Variants in SFSWAP observed in about 807,000 individuals in gnomAD.
SFSWAP encodes splicing factor SWAP, also known as splicing factor, suppressor of white-apricot homolog.
A neutral mutation model predicts 100.7 loss-of-function variants in SFSWAP; 17 were observed. That is an observed-to-expected ratio of 0.17 (90% confidence interval 0.12 to 0.25). SFSWAP has a LOEUF of 0.25. SFSWAP is among the 10% of genes least tolerant of loss of function. SFSWAP has a pLI of 1.00. For synonymous variants in SFSWAP, 504 were observed against 510.1 expected, an observed-to-expected ratio of 0.99 and a Z score of 0.16; for missense variants, 1,005 against 1,262.6, an observed-to-expected ratio of 0.80 and a Z score of 3.09.
At chr12:131,780,898 T>C (rs1566053019) in intron 14 of SFSWAP, among the ~76,000 whole-genome samples, 1 of 152,130 alleles carries the variant, frequency 6.6e-6, no homozygotes, top group East Asian at 1.9e-4. Flanking sequence ...GCGTAAGAAA[T>C]TAGCTCAGCT....
rs1885506198 is a variant in SFSWAP, at chr12:131,794,696, C to T, written c.2535-2482C>T. Reference sequence around the variant, plus strand: ...CGGACTTGAAGTGGCATTGAGGAGCCTTCTGGAATGAAGGGACGCCCCTGC... The same window carrying T: ...CGGACTTGAAGTGGCATTGAGGAGCTTTCTGGAATGAAGGGACGCCCCTGC... On this transcript the variant is annotated intron_variant, in intron 15 of 17. Coordinates refer to ENST00000261674, the MANE Select transcript of SFSWAP (RefSeq NM_004592.4). The surrounding 1 kb of genome is among the most constrained non-coding windows in gnomAD (Gnocchi z 4.8). 6.6e-6 allele frequency among the ~76,000 whole-genome samples: 1 copy of T among 152,186 alleles called. No individual in the cohort carries two copies. The highest frequency in any genetic ancestry group is 1.5e-5 in the Non-Finnish European group (1 of 68,046).
At chr12:131,719,936 G>A (rs1878312326) in intron 4 of SFSWAP, among the ~76,000 whole-genome samples, 1 of 152,174 alleles carries the variant, frequency 6.6e-6, no homozygotes, top group Non-Finnish European at 1.5e-5. Context: ...TTTTTAAAGT[G>A]TGATTTTTGG....
At chr12:131,776,683 G>C (rs920710449) in intron 13 of SFSWAP, among the ~76,000 whole-genome samples, 3 of 152,224 alleles carry the variant, frequency 2.0e-5, no homozygotes, top group Non-Finnish European at 4.4e-5. Flanking sequence ...AGCTCTCCCC[G>C]GGGAGCAGCT....
At chr12:131,788,985 T>G (rs1206444683) in intron 15 of SFSWAP, among the ~76,000 whole-genome samples, 2 of 151,838 alleles carry the variant, frequency 1.3e-5, no homozygotes, top group Non-Finnish European at 2.9e-5. Context: ...CTTTTTCTTT[T>G]TTATTTTTAT....
intron 6 of SFSWAP, 91 bp from the exon 7 acceptor site, chr12:131,728,202 C>T: frequency 2.7e-6 from 4 of 1,455,460 alleles, no homozygotes; most frequent in Non-Finnish European, 3.8e-6. Context: ...AAGGCATGTA[C>T]ACTGAGTCCT....
intron 13 of SFSWAP, among the ~76,000 whole-genome samples, chr12:131,766,590 G>A (rs1352112007): frequency 6.6e-6 from 1 of 152,362 alleles, no homozygotes; most frequent in Non-Finnish European, 1.5e-5. Context: ...TGGCAGGAGG[G>A]CTTGGGGAGT....
intron 15 of SFSWAP, among the ~76,000 whole-genome samples, chr12:131,790,348 G>GC (rs1279249918): frequency 6.6e-6 from 1 of 152,156 alleles, no homozygotes; most frequent in Non-Finnish European, 1.5e-5. Flanking sequence ...CCCTGCTCCA[G>GC]CCCTGGAATC....
At chr12:131,763,730 T>C (rs1882863669) in intron 11 of SFSWAP, among the ~76,000 whole-genome samples, 1 of 152,166 alleles carries the variant, frequency 6.6e-6, no homozygotes, top group Admixed American at 6.5e-5. Flanking sequence ...TTTTTTATCA[T>C]GGGGAATTTT....
intron 5 of SFSWAP, 61 bp from the exon 6 acceptor site, chr12:131,726,879 A>G: frequency 9.6e-7 from 1 of 1,046,820 alleles, no homozygotes. Flanking sequence ...TTTTTGCATA[A>G]TTAATTTGTA....
chr12:131,725,199 G>A lies in SFSWAP; in HGVS notation c.607-206G>A, dbSNP rs539361154. Among the ~76,000 whole-genome samples the A allele has an allele frequency of 2.6e-5, 4 of 152,318 alleles. No homozygotes were observed. The East Asian group carries it at 7.7e-4, about 29-fold the overall frequency. ...GGTCTGTACCATGGTGGAGTGGCCT[G>A]CCTCAGCTGGCGAGCTTTCTCCCCT... On this transcript the variant is annotated intron_variant, in intron 4 of 17. Transcript: ENST00000261674. The surrounding 1 kb of genome is among the most constrained non-coding windows in gnomAD (Gnocchi z 4.3).
At chr12:131,748,548 C>T (rs913502350) in intron 7 of SFSWAP, among the ~76,000 whole-genome samples, 9 of 152,332 alleles carry the variant, frequency 5.9e-5, no homozygotes, top group African/African-American at 2.2e-4. Flanking sequence ...TCTCTAAGAA[C>T]CTTCTCAGCA....
At chr12:131,728,580 C>CA (rs1290871495) in intron 7 of SFSWAP, 152 bp downstream of exon 7, 22 of 789,332 alleles carry the variant, frequency 2.8e-5, no homozygotes, top group Non-Finnish European at 4.3e-5. Flanking sequence ...AGGGAGAGTG[C>CA]CACGAGGCTG....
chr12:131,759,465 C>A (rs1212196642), intron 11 of SFSWAP, among the ~76,000 whole-genome samples: 1 of 152,134 alleles, frequency 6.6e-6, no homozygotes, highest in East Asian at 1.9e-4. Context: ...CGATCACTTA[C>A]AAGTATAGAT....
chr12:131,755,419 T>C lies in SFSWAP; in HGVS notation c.1488T>C (p.Asn496=). ...FEFLQPWHQY[N]AYYEFKKQFF... is the part of the protein sequence containing the mutation. ...TCCTGCAGCCGTGGCACCAGTATAA[T>C]GCTTATTATGAGTTTAAGAAGCAGT... Residue 496 remains asparagine, a synonymous_variant, in exon 10 of 18, where the codon AAT becomes AAC. Coordinates refer to ENST00000261674, the MANE Select transcript of SFSWAP (RefSeq NM_004592.4). 2 of 1,614,046 alleles carry C rather than the reference T, an allele frequency of 1.2e-6. No individual in the cohort carries two copies. The highest frequency in any genetic ancestry group is 1.7e-6 in the Non-Finnish European group (2 of 1,179,978).
rs1883105441 is a variant in SFSWAP at position 131,766,239 on chromosome 12, A to G, written c.2073A>G (p.Leu691=). The G allele has an allele frequency of 5.6e-6, 9 of 1,614,228 alleles. No individual in the cohort carries two copies. Among genetic ancestry groups the G allele is most frequent in the Non-Finnish European group, 7.6e-6 (9 of 1,180,038 alleles). The change falls in exon 13 of 18, where the codon TTA becomes TTG. Residue 691 remains leucine (L), a synonymous_variant. Coordinates refer to ENST00000261674, the MANE Select transcript of SFSWAP (RefSeq NM_004592.4). ...AERKRKAALF[L]QTLKNPLPEA... Reference sequence around the variant, plus strand: ...GTAAAAGGAAAGCGGCGTTATTTTTACAGACCCTCAAAAATCCTCTGCCGG... The same window carrying G: ...GTAAAAGGAAAGCGGCGTTATTTTTGCAGACCCTCAAAAATCCTCTGCCGG...
rs1879427401 is a variant in SFSWAP, at chr12:131,730,811, G to A, written c.1081+2383G>A. On this transcript the variant is annotated intron_variant, in intron 7 of 17. Coordinates refer to ENST00000261674, the MANE Select transcript of SFSWAP (RefSeq NM_004592.4). The surrounding 1 kb of genome is among the most constrained non-coding windows in gnomAD (Gnocchi z 4.0). The stretch of plus-strand genomic sequence containing the variant: ...CTCCCAACTGCAAGGGCTCTAGTAG[G>A]GGGTGCCCTCTCCTCCCCTCAATAC... 6.6e-6 allele frequency among the ~76,000 whole-genome samples: 1 copy of A among 152,156 alleles called. No individual in the cohort carries two copies. Among genetic ancestry groups the A allele is most frequent in the Admixed American group, 6.5e-5 (1 of 15,284 alleles).
intron 7 of SFSWAP, among the ~76,000 whole-genome samples, chr12:131,737,510 A>G (rs1221810684): frequency 3.9e-5 from 6 of 152,192 alleles, no homozygotes; most frequent in Non-Finnish European, 1.5e-5. Flanking sequence ...TCTGTATTTT[A>G]ATAATACGTG....
chr12:131,754,582 A>G, intron 9 of SFSWAP, 83 bp downstream of exon 9: 2 of 910,974 alleles, frequency 2.2e-6, no homozygotes, highest in Non-Finnish European at 3.0e-6. Context: ...TAGGTACAGA[A>G]TTAATTTTTT....
chr12:131,757,059 T>C (rs983628522), intron 11 of SFSWAP: 2 of 162,116 alleles, frequency 1.2e-5, no homozygotes, highest in African/African-American at 4.8e-5. Context: ...TCAGTTACTT[T>C]GTTATGTTCT....
Sources: gnomAD v4.1 joint callset for allele counts (sites outside exome capture counted in the v4.1 genomes callset) on GRCh38, gnomAD v4.1.1 for gene constraint, Gnocchi (gnomAD v3.1) non-coding constraint, MANE v1.5 for transcripts, NCBI Gene and HGNC (gene_info 2026-07-23, HGNC 2026-07-21) for gene names.